FGF22: variants seen among roughly 807,000 people sequenced by gnomAD.
FGF22 encodes fibroblast growth factor 22, also known as FGF-22.
A neutral mutation model predicts 10.3 loss-of-function variants in FGF22; 11 were observed. That is an observed-to-expected ratio of 1.07 (90% CI 0.67 to 1.77). The LOEUF is 1.77. Ranked by LOEUF, FGF22 falls within the 40% of genes most tolerant of loss-of-function variation. The pLI, the probability that FGF22 is intolerant of heterozygous loss-of-function variation, is 0.00. For missense variants in FGF22, 317 were observed against 273.2 expected, an observed-to-expected ratio of 1.16 and a Z score of -1.13; for synonymous variants, 136 against 122.1, an observed-to-expected ratio of 1.11 and a Z score of -0.75.
exon 3 of FGF22, chr19:643,755 C>A: frequency 1.5e-6 from 1 of 685,694 alleles, no homozygotes. Context: ...CCAGGGGGGT[C>A]CCAGCCTGAG....
exon 3 of FGF22, chr19:643,749 G>T (rs1268393347): frequency 2.8e-6 from 2 of 706,982 alleles, no homozygotes; most frequent in Non-Finnish European, 4.6e-6. Flanking sequence ...AGCCCTCCAG[G>T]GGGGTCCCAG....
rs779026177 is a variant in FGF22, at chr19:639,898, G to C, written c.-28G>C. On this transcript the variant is annotated 5_prime_UTR_variant, in exon 1 of 3. Transcript: ENST00000215530. Reference sequence around the variant, plus strand: ...AGAGCCGCGGACGCCCGGGAGCGACGAGCGCGCAGCGAACCGGGTGCCGGG... The same window carrying C: ...AGAGCCGCGGACGCCCGGGAGCGACCAGCGCGCAGCGAACCGGGTGCCGGG... 2,701 of 1,198,310 alleles carry C rather than the reference G, an allele frequency of 2.3e-3. 7 individuals carry two copies. The highest frequency in any genetic ancestry group is 2.6e-3 in the Non-Finnish European group (2,513 of 966,018). 74.2% of individuals were successfully genotyped at this position (1,198,310 alleles called of 1,614,324 possible). A position where few individuals can be genotyped will look rare whatever the true frequency, so the allele number is the denominator to read the frequency against.
At chr19:639,885 G>C in exon 1 of FGF22, 1 of 1,170,588 alleles carries the variant, frequency 8.5e-7, no homozygotes, top group Non-Finnish European at 1.1e-6. Context: ...AGCCGCGGAC[G>C]CCCGGGAGCG....
At chr19:640,915 G>A (rs1568183496) in intron 1 of FGF22, 2 of 309,952 alleles carry the variant, frequency 6.5e-6, no homozygotes, top group Non-Finnish European at 6.6e-6. Flanking sequence ...TGGGCGCCAA[G>A]GCCCTCATTA....
Position 640,829 on chromosome 19 carries a change from C to G in FGF22, c.214+690C>G, listed in dbSNP as rs549846784. ...GGCGGGGGGCACTGGGAAGGGGGCC[C>G]GGGCCCGCTGGCTGCCGCCTGAATC... On this transcript the variant is annotated intron_variant, in intron 1 of 2. Transcript: ENST00000215530. The G allele has an allele frequency of 3.8e-3, 854 of 223,616 alleles. 13 individuals carry two copies. The highest frequency in any genetic ancestry group is 0.035 in the South Asian group (628 of 17,892). The allele number at this position is 223,616 out of a possible 1,614,324, so 13.9% of individuals were successfully genotyped here.
At chr19:643,536 C>G (rs1053327160) in exon 3 of FGF22, 12 of 1,600,800 alleles carry the variant, frequency 7.5e-6, no homozygotes, top group East Asian at 6.7e-5. Context: ...GAGGGGGGGG[C>G]CCCGGCCAGG....
exon 3 of FGF22, chr19:643,463 C>G (rs763336425): frequency 9.3e-6 from 15 of 1,611,434 alleles, no homozygotes; most frequent in Admixed American, 1.7e-5. Flanking sequence ...AGAACGGCCA[C>G]AACACCTACG....
rs201725343 is a variant in FGF22, at chr19:643,333, G to A, written c.313G>A (p.Gly105Arg). 197 of 1,609,988 alleles carry A rather than the reference G, an allele frequency of 1.2e-4. 2 individuals carry two copies. The East Asian group carries it at 1.9e-3, about 16-fold the overall frequency. ...CATGAACCGCCGGGGCCGCCTCTAC[G>A]GGTCGGTGAGTGCCGGGCAGGGCTG... Residue 105 changes from glycine (G) to arginine (R), a missense_variant, in exon 2 of 3, where the codon GGG becomes AGG. Gly to Arg is a moderately radical substitution (Grantham distance 125). Coordinates refer to ENST00000215530, the Ensembl canonical transcript of FGF22.
In FGF22 at chr19:643,402, G is replaced by A. The variant is rs200852866; in HGVS notation, c.319-8G>A. On this transcript the variant is annotated splice_polypyrimidine_tract_variant and splice_region_variant and intron_variant, in intron 2 of 2. Coordinates refer to ENST00000215530, the Ensembl canonical transcript of FGF22. ...GGGAGGGTGGGCCGGCCTCACCCCC[G>A]CCCGCAGCGACTCTACACCGTGGAC... 1.8e-5 allele frequency: 29 copies of A among 1,605,944 alleles called. No individual in the cohort carries two copies. Among genetic ancestry groups the A allele is most frequent in the Middle Eastern group, 1.7e-4 (1 of 5,988 alleles).
chr19:643,458 G>C (rs140007905), exon 3 of FGF22: 1 of 1,611,414 alleles, frequency 6.2e-7, no homozygotes, highest in African/African-American at 1.3e-5. Flanking sequence ...CGAAGAGAAC[G>C]GCCACAACAC....
At chr19:639,972 G>A in exon 1 of FGF22, 14 of 1,259,100 alleles carry the variant, frequency 1.1e-5, no homozygotes, top group Non-Finnish European at 1.4e-5. Context: ...CTGCTGGCGC[G>A]GGCGCCGGAC....
At chr19:642,266 G>C (rs1330669210) in intron 1 of FGF22, among the ~76,000 whole-genome samples, 2 of 82,432 alleles carry the variant, frequency 2.4e-5, no homozygotes, top group Non-Finnish European at 5.0e-5. Context: ...GGCCGGGCTG[G>C]GGGCTCCATA....
intron 1 of FGF22, 73 bp downstream of exon 1, chr19:640,212 T>G: frequency 9.5e-7 from 1 of 1,057,280 alleles, no homozygotes; most frequent in Admixed American, 4.3e-5. Context: ...GTCTTCACGG[T>G]GACCTGCGCC....
exon 3 of FGF22, chr19:643,450 A>C (rs1321911259): frequency 1.2e-6 from 2 of 1,611,452 alleles, no homozygotes; most frequent in South Asian, 2.2e-5. Flanking sequence ...GAGCGCATCG[A>C]AGAGAACGGC....
exon 1 of FGF22, chr19:639,891 G>A (rs1475471297): frequency 1.6e-5 from 19 of 1,187,314 alleles, no homozygotes; most frequent in Non-Finnish European, 2.0e-5. Context: ...GGACGCCCGG[G>A]AGCGACGAGC....
exon 1 of FGF22, chr19:639,910 A>G: frequency 8.3e-7 from 1 of 1,211,852 alleles, no homozygotes; most frequent in East Asian, 3.5e-5. Context: ...GCGCGCAGCG[A>G]ACCGGGTGCC....
At chr19:640,290 G>A in intron 1 of FGF22, 151 bp downstream of exon 1, 2 of 452,872 alleles carry the variant, frequency 4.4e-6, no homozygotes, top group Non-Finnish European at 7.2e-6. Flanking sequence ...TGAGATGGGT[G>A]CAGCCTGCCT....
At chr19:642,905 T>C (rs1356623920) in intron 1 of FGF22, among the ~76,000 whole-genome samples, 2 of 152,056 alleles carry the variant, frequency 1.3e-5, no homozygotes, top group Admixed American at 1.3e-4. Flanking sequence ...ACACAGATGC[T>C]GCTCTTGGGC....
chr19:643,726 G>A, exon 3 of FGF22: 1 of 880,966 alleles, frequency 1.1e-6, no homozygotes, highest in South Asian at 1.8e-5. Flanking sequence ...GGGCGCTGTG[G>A]ACACAGCCCA....
Sources: gnomAD v4.1 joint callset for allele counts (sites outside exome capture counted in the v4.1 genomes callset) on GRCh38, gnomAD v4.1.1 for gene constraint, MANE v1.5 for transcripts, NCBI Gene and HGNC (gene_info 2026-07-23, HGNC 2026-07-21) for gene names.